CNKSR2: variants seen among roughly 807,000 people sequenced by gnomAD.
CNKSR2 encodes connector enhancer of kinase suppressor of Ras 2.
In CNKSR2, 14 loss-of-function variants were observed where a neutral mutation model predicts 84.4. That is an observed-to-expected ratio of 0.17 (90% CI 0.11 to 0.26). The LOEUF (loss-of-function observed/expected upper bound fraction) is 0.26. Among genes scored for constraint, CNKSR2 ranks in the 10% least tolerant of loss-of-function variants. The pLI is 1.00. For synonymous variants in CNKSR2, 275 were observed against 277.9 expected (o/e 0.99, Z 0.10); for missense variants, 485 against 771.2 (o/e 0.63, Z 4.40).
chrX:21,525,027 A>G (rs2091821458), intron 9 of CNKSR2, among the ~76,000 whole-genome samples: 1 of 110,956 alleles, frequency 9.0e-6, no homozygotes, highest in Admixed American at 9.6e-5. Context: ...ACTTTTGGTC[A>G]GATTTATTGT....
At chrX:21,500,023 A>G (rs2091543172) in intron 7 of CNKSR2, among the ~76,000 whole-genome samples, 1 of 111,198 alleles carries the variant, frequency 9.0e-6, no homozygotes, top group African/African-American at 3.3e-5. Flanking sequence ...TTACAAATAT[A>G]TTAATGATTT....
intron 17 of CNKSR2, among the ~76,000 whole-genome samples, chrX:21,599,414 G>A (rs1348532404): frequency 9.5e-6 from 1 of 105,077 alleles, no homozygotes; most frequent in East Asian, 3.1e-4. Flanking sequence ...CACCCAGGCT[G>A]GAGTGCAGTG....
At chrX:21,593,864 A>G (rs2092435522) in intron 15 of CNKSR2, 2 of 111,746 alleles carry the variant, frequency 1.8e-5, no homozygotes, top group African/African-American at 6.5e-5. Context: ...ATACTTATAT[A>G]CTGTTGGTGA....
In CNKSR2 at chrX:21,470,755, T is replaced by C. The variant is rs748862916; in HGVS notation, c.520-11T>C. ...ATTTTGAATCTAATGTATATGGTTC[T>C]TTTTTTTCAGGATTGTACTGTATAT... is the stretch of plus-strand genomic sequence containing the variant. On this transcript the variant is annotated splice_polypyrimidine_tract_variant and intron_variant, in intron 4 of 21. Transcript: ENST00000379510. 2.1e-6 allele frequency: 2 copies of C among 942,901 alleles called. No homozygotes were observed. Among genetic ancestry groups the C allele is most frequent in the South Asian group, 5.2e-5 (2 of 38,658 alleles). 77.7% of individuals were successfully genotyped at this position (942,901 alleles called of 1,213,427 possible).
rs1314028777 is a variant in CNKSR2, at chrX:21,445,769, T to C, written c.519+4988T>C. On this transcript the variant is annotated intron_variant, in intron 4 of 21. Coordinates refer to ENST00000379510, the MANE Select transcript of CNKSR2 (RefSeq NM_014927.5). ...TTAGACTCATCCATGTTGCTGTGAA[T>C]TATAGGATTTAATTCTTTTTATGGC... Among the ~76,000 whole-genome samples, 2 of 112,107 alleles carry C rather than the reference T, an allele frequency of 1.8e-5. 1 individual carries two copies. The highest frequency in any genetic ancestry group is 5.6e-4 in the East Asian group (2 of 3,567).
intron 5 of CNKSR2, 58 bp downstream of exon 5, chrX:21,470,865 G>GTTGAAC: frequency 1.6e-6 from 1 of 643,943 alleles, no homozygotes; most frequent in Non-Finnish European, 2.3e-6. Flanking sequence ...TGTTCAACTA[G>GTTGAAC]AAGAGGTGAA....
At chrX:21,611,768 AAGAT>A (rs1390182368) in intron 20 of CNKSR2, among the ~76,000 whole-genome samples, 2 of 111,613 alleles carry the variant, frequency 1.8e-5, no homozygotes, top group African/African-American at 3.3e-5. Context: ...TAATTGTTAT[AAGAT>A]AGAACAGACC....
intron 11 of CNKSR2, among the ~76,000 whole-genome samples, chrX:21,561,075 A>G (rs1316345843): frequency 2.7e-5 from 3 of 109,598 alleles, no homozygotes; most frequent in African/African-American, 9.9e-5. Flanking sequence ...TTAAACACAG[A>G]GAGCTACCAT....
chrX:21,396,265 A>G (rs989903122), intron 1 of CNKSR2, among the ~76,000 whole-genome samples: 5 of 111,025 alleles, frequency 4.5e-5, no homozygotes, highest in African/African-American at 1.6e-4. Context: ...AGAGCAAGGA[A>G]AACATAAATT....
intron 13 of CNKSR2, among the ~76,000 whole-genome samples, chrX:21,577,808 A>G (rs2092328575): frequency 9.1e-6 from 1 of 110,471 alleles, no homozygotes; most frequent in Non-Finnish European, 1.9e-5. Context: ...CTCCCACAAT[A>G]TATTAATATT....
In CNKSR2 at chrX:21,572,638, G is replaced by A. The variant is rs766601846; in HGVS notation, c.1608+9186G>A. Among the ~76,000 whole-genome samples the A allele has an allele frequency of 4.5e-5, 5 of 111,359 alleles. No individual in the cohort carries two copies. The South Asian group carries it at 1.1e-3, about 26-fold the overall frequency. On this transcript the variant is annotated intron_variant, in intron 13 of 21. Transcript: ENST00000379510. ...AGCAAGGAAAACCGCAGAGCAAAGC[G>A]GGAGAGGGGAAGCCCCTTATAAAGC... is the stretch of plus-strand genomic sequence containing the variant.
At chrX:21,561,683 A>T in intron 12 of CNKSR2, 123 bp downstream of exon 12, 1 of 507,273 alleles carries the variant, frequency 2.0e-6, no homozygotes, top group East Asian at 3.6e-5. Context: ...TTTATTGTAC[A>T]ACAAAACCAA....
At chrX:21,591,277 G>A (rs892654680) in intron 15 of CNKSR2, 83 bp downstream of exon 15, 12 of 857,282 alleles carry the variant, frequency 1.4e-5, no homozygotes, top group South Asian at 2.9e-5. Context: ...TTTTAAAATC[G>A]TATAATCACC....
intron 20 of CNKSR2, 47 bp downstream of exon 20, chrX:21,609,664 A>T: frequency 1.8e-6 from 2 of 1,109,430 alleles, no homozygotes; most frequent in Non-Finnish European, 2.4e-6. Context: ...CAAAGTCCTG[A>T]CCTTTTCAAA....
intron 1 of CNKSR2, among the ~76,000 whole-genome samples, chrX:21,381,784 C>T: frequency 8.9e-6 from 1 of 111,773 alleles, no homozygotes. Flanking sequence ...TATCCCTCTT[C>T]ACCTAGTTAA....
intron 1 of CNKSR2, chrX:21,423,510 A>G (rs2090524989): frequency 8.9e-6 from 1 of 112,061 alleles, no homozygotes; most frequent in Non-Finnish European, 1.9e-5. Flanking sequence ...CAGTCCCAGA[A>G]GAAAATTATC....
At chrX:21,595,251 T>G in intron 16 of CNKSR2, 73 bp from the exon 17 acceptor site, 1 of 821,038 alleles carries the variant, frequency 1.2e-6, no homozygotes, top group Non-Finnish European at 1.8e-6. Flanking sequence ...TTGAGGTAAT[T>G]TTGCCCGTCA....
chrX:21,451,272 A>G (rs1233581622), intron 4 of CNKSR2, among the ~76,000 whole-genome samples: 2 of 111,815 alleles, frequency 1.8e-5, no homozygotes, highest in African/African-American at 6.5e-5. Flanking sequence ...GACTAAGACT[A>G]GCAAATAAAT....
chrX:21,604,761 G>A (rs2092506370), intron 18 of CNKSR2, among the ~76,000 whole-genome samples: 1 of 111,200 alleles, frequency 9.0e-6, no homozygotes, highest in African/African-American at 3.3e-5. Context: ...CCTTGGCAGG[G>A]GCGGGTTTGC....
Sources: gnomAD v4.1 joint callset for allele counts (sites outside exome capture counted in the v4.1 genomes callset) on GRCh38, gnomAD v4.1.1 for gene constraint, MANE v1.5 for transcripts, NCBI Gene and HGNC (gene_info 2026-07-23, HGNC 2026-07-21) for gene names.